The following LEPROTL1 variants were observed in gnomAD, a reference collection of about 807,000 sequenced individuals.
LEPROTL1 encodes the protein leptin receptor overlapping transcript like 1.
Under a neutral mutation model 15.4 loss-of-function variants are expected in LEPROTL1, and 6 were observed. That is an observed-to-expected ratio of 0.39 (90% CI 0.21 to 0.77). LEPROTL1 has a LOEUF of 0.77. Ranked by LOEUF, LEPROTL1 falls within the 30% of genes least tolerant of loss-of-function variation. The probability of loss-of-function intolerance (pLI) is 0.41; values close to 1 mark genes in which losing one functional copy is unlikely to be tolerated. For synonymous variants in LEPROTL1, 56 were observed against 52.6 expected, an observed-to-expected ratio of 1.06 and a Z score of -0.28; for missense variants, 128 against 158.1, an observed-to-expected ratio of 0.81 and a Z score of 1.02.
chr8:30,123,120 C>G (rs536015540), intron 3 of LEPROTL1, among the ~76,000 whole-genome samples: 70 of 152,254 alleles, frequency 4.6e-4, no homozygotes, highest in African/African-American at 1.2e-3. Context: ...CTGCTCCTCT[C>G]CATATAAAAC....
At chr8:30,134,612 G>A (rs1803099965) in intron 4 of LEPROTL1, among the ~76,000 whole-genome samples, 1 of 151,660 alleles carries the variant, frequency 6.6e-6, no homozygotes, top group South Asian at 2.1e-4. Context: ...CGCGATCTCA[G>A]CCGCCCACTG....
At chr8:30,104,011 A>G (rs1802514810) in intron 2 of LEPROTL1, among the ~76,000 whole-genome samples, 2 of 152,216 alleles carry the variant, frequency 1.3e-5, no homozygotes. Flanking sequence ...CTGTGGTACA[A>G]TACAGTTAAC....
intron 3 of LEPROTL1, among the ~76,000 whole-genome samples, chr8:30,128,436 A>G (rs1802938785): frequency 6.6e-6 from 1 of 152,244 alleles, no homozygotes. Context: ...CATTTCCCTC[A>G]TCATGAAGAG....
chr8:30,096,437 G>T (rs765552334), intron 1 of LEPROTL1: 15 of 978,940 alleles, frequency 1.5e-5, no homozygotes, highest in Non-Finnish European at 1.8e-5. Context: ...TTTGGGAGCA[G>T]TGGTTTTCTT....
intron 1 of LEPROTL1, among the ~76,000 whole-genome samples, chr8:30,101,165 T>C (rs992996330): frequency 6.6e-6 from 1 of 152,184 alleles, no homozygotes; most frequent in African/African-American, 2.4e-5. Context: ...TAGAAGAGGT[T>C]TTCCTATAGG....
chr8:30,137,361 C>A (rs530690685), exon 5 of LEPROTL1: 1 of 1,551,598 alleles, frequency 6.4e-7, no homozygotes, highest in Middle Eastern at 1.7e-4. Flanking sequence ...TCCCAGCAGC[C>A]GCCATGAGAA....
In LEPROTL1 at chr8:30,095,433, C is replaced by G. The variant is rs926130148; in HGVS notation, c.-80C>G. On this transcript the variant is annotated 5_prime_UTR_variant, in exon 1 of 4. Coordinates refer to ENST00000321250, the MANE Select transcript of LEPROTL1 (RefSeq NM_015344.3). ...GCACTTCCGGGTGTTGTCTGGCCGC[C>G]GTAGCGCGTCTTGGGTCTCCCGGCT... The G allele has an allele frequency of 2.1e-6, 3 of 1,402,540 alleles. No individual in the cohort carries two copies. The highest frequency in any genetic ancestry group is 3.0e-5 in the African/African-American group (2 of 66,574). 86.9% of individuals were successfully genotyped at this position (1,402,540 alleles called of 1,614,324 possible). A position where few individuals can be genotyped will look rare whatever the true frequency, so the allele number is the denominator to read the frequency against.
chr8:30,107,404 A>G lies in LEPROTL1; in HGVS notation c.*1542A>G. ...TTGTATGTTTATTCAGTATACTTAC[A>G]TAAAAATTATTTCGCCATCAGCCAA... is the stretch of plus-strand genomic sequence containing the variant. On this transcript the variant is annotated 3_prime_UTR_variant, in exon 4 of 4. Coordinates refer to ENST00000321250, the MANE Select transcript of LEPROTL1 (RefSeq NM_015344.3). 8.1e-6 allele frequency: 8 copies of G among 985,762 alleles called. No homozygotes were observed. Among genetic ancestry groups the G allele is most frequent in the Non-Finnish European group, 9.6e-6 (8 of 829,814 alleles). 61.1% of individuals were successfully genotyped at this position (985,762 alleles called of 1,614,324 possible). A position where few individuals can be genotyped will look rare whatever the true frequency, so the allele number is the denominator to read the frequency against.
Position 30,106,118 on chromosome 8 carries a change from A to C in LEPROTL1, c.*256A>C. ...TATGCTTTTTGTGGTGTCCTGCTGA[A>C]TTTAAATATTTATGTGTTTTTCCTG... is the stretch of plus-strand genomic sequence containing the variant. On this transcript the variant is annotated 3_prime_UTR_variant, in exon 4 of 4. Coordinates refer to ENST00000321250, the MANE Select transcript of LEPROTL1 (RefSeq NM_015344.3). 1 of 1,019,830 alleles carries C rather than the reference A, an allele frequency of 9.8e-7. No individual in the cohort carries two copies. Among genetic ancestry groups the C allele is most frequent in the South Asian group, 4.6e-5 (1 of 21,902 alleles). 63.2% of individuals were successfully genotyped at this position (1,019,830 alleles called of 1,614,324 possible).
chr8:30,130,577 A>C (rs1173456022), intron 3 of LEPROTL1, among the ~76,000 whole-genome samples: 2 of 152,146 alleles, frequency 1.3e-5, no homozygotes, highest in Admixed American at 6.5e-5. Flanking sequence ...AGAAAAAAAG[A>C]ATCAAACCCA....
chr8:30,137,278 C>A lies in LEPROTL1; in HGVS notation c.401C>A (p.Ala134Glu), dbSNP rs375112131. 4 of 1,551,036 alleles carry A rather than the reference C, an allele frequency of 2.6e-6. No homozygotes were observed. The African/African-American group carries it at 5.5e-5, about 21-fold the overall frequency. Residue 134 changes from alanine (A) to glutamate (E), a missense_variant, in exon 5 of 5, where the codon GCG becomes GAG. Physicochemically the swap from Ala to Glu is moderately radical, Grantham distance 107 (BLOSUM62 -1). Coordinates refer to the LEPROTL1 transcript ENST00000442880. The stretch of plus-strand genomic sequence containing the variant: ...CTTGATTTCTGTTTTCTAGATGGGG[C>A]GCCTACCCTTCTTCAGCAAGATGGG...
In LEPROTL1 at chr8:30,104,383, C is replaced by T; in HGVS notation, c.176C>T (p.Thr59Ile). ...ATAGCAAGAAGATTAGTGGATGATACAGATGCTATGAGTAACGCTTGTAAG... is the reference window on the plus strand; with the variant it reads ...ATAGCAAGAAGATTAGTGGATGATATAGATGCTATGAGTAACGCTTGTAAG... ...YCIARRLVDD[T>I]DAMSNACKEL... The change falls in exon 3 of 4, where the codon ACA becomes ATA. Residue 59 changes from threonine (T) to isoleucine (I), a missense_variant. By Grantham distance (89) the Thr-to-Ile change is moderately conservative. Transcript: ENST00000321250. 1 of 1,611,968 alleles carries T rather than the reference C, an allele frequency of 6.2e-7. No individual in the cohort carries two copies. Among genetic ancestry groups the T allele is most frequent in the Non-Finnish European group, 8.5e-7 (1 of 1,178,640 alleles).
intron 4 of LEPROTL1, among the ~76,000 whole-genome samples, chr8:30,135,480 G>A (rs573715490): frequency 6.6e-6 from 1 of 152,144 alleles, no homozygotes; most frequent in Admixed American, 6.5e-5. Flanking sequence ...TGCCTAATGT[G>A]GGATTTGTAC....
rs1802473832 is a variant in LEPROTL1 at position 30,101,969 on chromosome 8, T to C, written c.88T>C (p.Tyr30His). ...FLMLGCALPI[Y>H]NKYWPLFVLF... ...GATGCTTGGATGTGCCCTTCCAATA[T>C]ACAAGTATGTAAAATGTTTGTCTTT... Residue 30 changes from tyrosine to histidine, a missense_variant, in exon 2 of 4, where the codon TAC becomes CAC. Coordinates refer to ENST00000321250, the MANE Select transcript of LEPROTL1 (RefSeq NM_015344.3). 1 of 1,590,534 alleles carries C rather than the reference T, an allele frequency of 6.3e-7. No homozygotes were observed. Among genetic ancestry groups the C allele is most frequent in the Non-Finnish European group, 8.6e-7 (1 of 1,162,538 alleles).
intron 3 of LEPROTL1, among the ~76,000 whole-genome samples, chr8:30,125,714 GGGTCCCACAGTT>G (rs1343400109): frequency 6.6e-6 from 1 of 152,144 alleles, no homozygotes; most frequent in Non-Finnish European, 1.5e-5. Flanking sequence ...GGAATTGCTT[GGGTCCCACAGTT>G]GGCCTGTGCT....
chr8:30,101,809 C>T (rs1802471970), intron 1 of LEPROTL1, 89 bp from the exon 2 acceptor site: 2 of 751,852 alleles, frequency 2.7e-6, no homozygotes, highest in Admixed American at 2.6e-5. Context: ...ATTTTTGCTT[C>T]TGAGGTTACA....
chr8:30,101,395 T>C (rs936024289), intron 1 of LEPROTL1, among the ~76,000 whole-genome samples: 1 of 152,072 alleles, frequency 6.6e-6, no homozygotes, highest in Non-Finnish European at 1.5e-5. Flanking sequence ...TGGCTGGATG[T>C]GGTGGCTCAC....
Position 30,107,591 on chromosome 8 carries a change from A to G in LEPROTL1, c.*1729A>G. The stretch of plus-strand genomic sequence containing the variant: ...GACTTTTAGATATGAGATGACGGGA[A>G]GCAGGACGAAATATCGGCGTGTGGC... On this transcript the variant is annotated 3_prime_UTR_variant, in exon 4 of 4. Transcript: ENST00000321250. 2 of 985,900 alleles carry G rather than the reference A, an allele frequency of 2.0e-6. No homozygotes were observed. Among genetic ancestry groups the G allele is most frequent in the Non-Finnish European group, 2.4e-6 (2 of 829,934 alleles). 61.1% of individuals were successfully genotyped at this position (985,900 alleles called of 1,614,324 possible).
intron 3 of LEPROTL1, among the ~76,000 whole-genome samples, chr8:30,122,336 G>A (rs77322598): frequency 0.013 from 2,029 of 152,238 alleles, 46 homozygotes; most frequent in East Asian, 0.075. Flanking sequence ...TGTAGAGTCA[G>A]GGTGTCACTA....
Sources: allele counts gnomAD v4.1 joint callset (sites outside exome capture counted in the v4.1 genomes callset), GRCh38; gene constraint gnomAD v4.1.1; transcripts MANE v1.5; gene names NCBI Gene and HGNC (gene_info 2026-07-23, HGNC 2026-07-21).